The following SUPT16H variants were observed in gnomAD, a reference collection of about 807,000 sequenced individuals.
The protein encoded by SUPT16H is SPT16 homolog, facilitates chromatin remodeling subunit, also known as FACT complex subunit SPT16.
Under a neutral mutation model 136.2 loss-of-function variants are expected in SUPT16H, and 24 were observed. That is an observed-to-expected ratio of 0.18 (90% CI 0.13 to 0.25). The LOEUF is 0.25. Among genes scored for constraint, SUPT16H ranks in the 10% least tolerant of loss-of-function variants. The probability of loss-of-function intolerance (pLI) is 1.00; values close to 1 mark genes in which losing one functional copy is unlikely to be tolerated. For synonymous variants in SUPT16H, 415 were observed against 428.2 expected (o/e 0.97, Z 0.38); for missense variants, 623 against 1,270.2 (o/e 0.49, Z 7.74).
At chr14:21,364,521 T>C (rs896801349) in intron 10 of SUPT16H, among the ~76,000 whole-genome samples, 2 of 152,246 alleles carry the variant, frequency 1.3e-5, no homozygotes, top group South Asian at 2.1e-4. Context: ...TTGTATAGTA[T>C]GTGAATTGTA....
intron 6 of SUPT16H, among the ~76,000 whole-genome samples, chr14:21,368,724 T>C (rs996157364): frequency 6.6e-6 from 1 of 152,240 alleles, no homozygotes; most frequent in Non-Finnish European, 1.5e-5. Flanking sequence ...GTATCCATTA[T>C]AGTCTAATTG....
At chr14:21,362,383 C>T (rs1886575347) in intron 14 of SUPT16H, 59 bp from the exon 15 acceptor site, 4 of 1,540,166 alleles carry the variant, frequency 2.6e-6, no homozygotes, top group African/African-American at 1.4e-5. Context: ...TTAGTAGTTA[C>T]AGAGATGTTA....
chr14:21,359,015 C>T (rs1007534085), intron 19 of SUPT16H, among the ~76,000 whole-genome samples: 1 of 152,052 alleles, frequency 6.6e-6, no homozygotes, highest in African/African-American at 2.4e-5. Flanking sequence ...CTGTGTTAGC[C>T]AGGATGGTCT....
chr14:21,362,106 G>A (rs567644776), intron 15 of SUPT16H, 91 bp downstream of exon 15: 26 of 1,446,590 alleles, frequency 1.8e-5, no homozygotes, highest in Non-Finnish European at 2.2e-5. Context: ...CATTTACTAG[G>A]TAGGGAAAAT....
chr14:21,373,757 G>C (rs1225130002), intron 1 of SUPT16H, among the ~76,000 whole-genome samples: 1 of 151,890 alleles, frequency 6.6e-6, no homozygotes, highest in Non-Finnish European at 1.5e-5. Context: ...GATGGAGTTT[G>C]ACTCTTGTTG....
chr14:21,353,343 A>C, intron 25 of SUPT16H, 145 bp downstream of exon 25: 1 of 751,090 alleles, frequency 1.3e-6, no homozygotes, highest in East Asian at 2.7e-5. Flanking sequence ...TCAGTCAATG[A>C]AGTTGTATCT....
At chr14:21,365,194 G>A (rs1886639989) in intron 8 of SUPT16H, 51 bp from the exon 9 acceptor site, 1 of 1,507,368 alleles carries the variant, frequency 6.6e-7, no homozygotes, top group South Asian at 1.2e-5. Context: ...CTCTAACATG[G>A]ATCAAGCATA....
At chr14:21,368,712 T>C (rs1284536102) in intron 6 of SUPT16H, among the ~76,000 whole-genome samples, 1 of 152,222 alleles carries the variant, frequency 6.6e-6, no homozygotes, top group African/African-American at 2.4e-5. Flanking sequence ...ATATCCTGAA[T>C]TGTATCCATT....
chr14:21,371,912 T>G lies in SUPT16H; in HGVS notation c.292A>C (p.Asn98His). ...IANTKGNENA[N>H]GAPAITLLIR... The stretch of plus-strand genomic sequence containing the variant: ...AGCAGTGTGATGGCAGGGGCTCCAT[T>G]AGCATTCTCATTGCCCTTAGTGTTG... The change falls in exon 3 of 26, where the codon AAT becomes CAT. Residue 98 changes from asparagine (N) to histidine (H), a missense_variant. This residue lies in a region of SUPT16H where 343 missense variants were observed against 525.7 expected (regional missense o/e 0.65). Coordinates refer to ENST00000216297, the MANE Select transcript of SUPT16H (RefSeq NM_007192.4). The G allele has an allele frequency of 6.2e-7, 1 of 1,614,116 alleles. No homozygotes were observed. The highest frequency in any genetic ancestry group is 8.5e-7 in the Non-Finnish European group (1 of 1,180,022).
intron 15 of SUPT16H, among the ~76,000 whole-genome samples, chr14:21,361,569 T>G (rs1319317137): frequency 6.6e-6 from 1 of 151,960 alleles, no homozygotes; most frequent in Non-Finnish European, 1.5e-5. Context: ...TGCCTGCCTC[T>G]GCCTCCCGAA....
chr14:21,355,646 AT>A (rs938454496), intron 22 of SUPT16H, among the ~76,000 whole-genome samples: 7 of 151,710 alleles, frequency 4.6e-5, no homozygotes, highest in Non-Finnish European at 7.4e-5. Flanking sequence ...GTAGGAACAA[AT>A]TTTTTTTCCC....
chr14:21,374,453 AC>A (rs1229399018), intron 1 of SUPT16H, among the ~76,000 whole-genome samples: 1 of 152,254 alleles, frequency 6.6e-6, no homozygotes, highest in Non-Finnish European at 1.5e-5. Context: ...CAATTTTGGA[AC>A]ATTTTAATCT....
chr14:21,367,001 C>T (rs906167313), intron 7 of SUPT16H, among the ~76,000 whole-genome samples: 3 of 152,024 alleles, frequency 2.0e-5, no homozygotes, highest in East Asian at 1.9e-4. Context: ...AGTGCAGTGG[C>T]GTGATCCTAC....
In SUPT16H at chr14:21,367,789, G is replaced by A. The variant is rs8021793; in HGVS notation, c.955+480C>T. Among the ~76,000 whole-genome samples, 30 of 152,298 alleles carry A rather than the reference G, an allele frequency of 2.0e-4. 1 individual carries two copies. In the East Asian group the frequency reaches 5.8e-3, roughly 29 times the overall value. ...TAAACCACAATGATCACTCATGCTTGAAAGAAATGCAGATTCAAGACCTAG... is the reference window on the plus strand; with the variant it reads ...TAAACCACAATGATCACTCATGCTTAAAAGAAATGCAGATTCAAGACCTAG... On this transcript the variant is annotated intron_variant, in intron 7 of 25. Transcript: ENST00000216297.
intron 1 of SUPT16H, among the ~76,000 whole-genome samples, chr14:21,382,137 T>C (rs1177698279): frequency 6.6e-6 from 1 of 152,126 alleles, no homozygotes; most frequent in Non-Finnish European, 1.5e-5. Context: ...CTTCTACAGG[T>C]GGGTTCTGGA....
intron 1 of SUPT16H, among the ~76,000 whole-genome samples, chr14:21,376,892 T>C (rs1166729813): frequency 6.6e-6 from 1 of 152,088 alleles, no homozygotes; most frequent in African/African-American, 2.4e-5. Flanking sequence ...CATATTTCAG[T>C]AGCAAGATAA....
intron 1 of SUPT16H, among the ~76,000 whole-genome samples, chr14:21,376,644 G>A (rs1031972345): frequency 6.6e-6 from 1 of 152,052 alleles, no homozygotes; most frequent in Non-Finnish European, 1.5e-5. Context: ...AAAACTGCTA[G>A]TCCCTTTGTA....
chr14:21,370,237 A>G, intron 4 of SUPT16H, 99 bp downstream of exon 4: 5 of 1,413,612 alleles, frequency 3.5e-6, no homozygotes, highest in African/African-American at 1.4e-5. Flanking sequence ...ACAAACATAC[A>G]GTTTTCCCAA....
Position 21,360,984 on chromosome 14 carries a change from G to T in SUPT16H, c.1930-12C>A. On this transcript the variant is annotated splice_polypyrimidine_tract_variant and intron_variant, in intron 16 of 25. Coordinates refer to ENST00000216297, the MANE Select transcript of SUPT16H (RefSeq NM_007192.4). ...TGTTTTACAATCCCCTAAGCAAGAA[G>T]AAAATTAATGTGAATTGTCACATAT... is the stretch of plus-strand genomic sequence containing the variant. The T allele has an allele frequency of 1.2e-6, 2 of 1,612,028 alleles. No homozygotes were observed. The highest frequency in any genetic ancestry group is 2.2e-5 in the South Asian group (2 of 90,766).
Sources: allele counts gnomAD v4.1 joint callset (sites outside exome capture counted in the v4.1 genomes callset), GRCh38; gene constraint gnomAD v4.1.1; regional missense constraint gnomAD v4.1.1; transcripts MANE v1.5; gene names NCBI Gene and HGNC (gene_info 2026-07-23, HGNC 2026-07-21).